The following CEACAM5 variants were observed in gnomAD, a reference collection of about 807,000 sequenced individuals.
The protein encoded by CEACAM5 is cell adhesion molecule CEACAM5.
A neutral mutation model predicts 63.0 loss-of-function variants in CEACAM5; 52 were observed. The observed-to-expected ratio is 0.83, with a 90% CI of 0.66 to 1.04. The LOEUF (loss-of-function observed/expected upper bound fraction) is 1.04, where lower values mean the gene tolerates loss of function less well. CEACAM5 is among the 50% of genes least tolerant of loss of function. The pLI is 0.00. For synonymous variants in CEACAM5, 357 were observed against 351.3 expected, an observed-to-expected ratio of 1.02 and a Z score of -0.18; for missense variants, 790 against 864.8, an observed-to-expected ratio of 0.91 and a Z score of 1.08.
chr19:41,722,363 CAA>C (rs35093497), intron 8 of CEACAM5, among the ~76,000 whole-genome samples: 10 of 87,538 alleles, frequency 1.1e-4, no homozygotes, highest in Admixed American at 1.2e-4. Context: ...GACTACATCA[CAA>C]AAAAAAAAAA....
At chr19:41,714,243 C>T (rs947265542) in intron 2 of CEACAM5, among the ~76,000 whole-genome samples, 3 of 152,126 alleles carry the variant, frequency 2.0e-5, no homozygotes, top group Admixed American at 2.0e-4. Context: ...AAAGAACATA[C>T]ATATGGTTCT....
chr19:41,724,712 T>C (rs1192018836), intron 8 of CEACAM5, among the ~76,000 whole-genome samples: 1 of 152,240 alleles, frequency 6.6e-6, no homozygotes, highest in East Asian at 1.9e-4. Flanking sequence ...CTAACTATTT[T>C]ATACTATTTT....
At chr19:41,710,097 A>G (rs1555813829) in intron 2 of CEACAM5, 58 bp downstream of exon 2, 6 of 1,570,126 alleles carry the variant, frequency 3.8e-6, no homozygotes, top group South Asian at 3.7e-5. Context: ...TCCCACACAC[A>G]GGATTATCAG....
At chr19:41,720,568 G>A (rs1190973841) in intron 7 of CEACAM5, among the ~76,000 whole-genome samples, 1 of 144,314 alleles carries the variant, frequency 6.9e-6, no homozygotes, top group Non-Finnish European at 1.5e-5. Context: ...CTGCAGTGGT[G>A]TGATCTCGGC....
chr19:41,714,581 A>G (rs906754302), intron 2 of CEACAM5, among the ~76,000 whole-genome samples: 2 of 152,218 alleles, frequency 1.3e-5, no homozygotes, highest in African/African-American at 4.8e-5. Flanking sequence ...ACCTAGGGAA[A>G]CAAAGTAGGA....
chr19:41,717,853 G>C (rs1317384510), intron 5 of CEACAM5, 120 bp downstream of exon 5: 1 of 1,323,326 alleles, frequency 7.6e-7, no homozygotes, highest in Non-Finnish European at 1.1e-6. Context: ...GGACATCCAG[G>C]CTGGCCCTAC....
chr19:41,711,182 A>G (rs554002295), intron 2 of CEACAM5, among the ~76,000 whole-genome samples: 1 of 152,188 alleles, frequency 6.6e-6, no homozygotes, highest in East Asian at 1.9e-4. Flanking sequence ...TGGAGAAATA[A>G]TCAGTTTTAC....
Position 41,730,195 on chromosome 19 carries a change from C to T in CEACAM5, c.*1048C>T, listed in dbSNP as rs1182175101. ...CAGCACTTTGATCCGCCGAGGCGGG[C>T]GGATCACGAGGTCAGGAGATCCAGA... On this transcript the variant is annotated 3_prime_UTR_variant, in exon 10 of 10. Transcript: ENST00000221992. Among the ~76,000 whole-genome samples the T allele has an allele frequency of 6.6e-6, 1 of 152,030 alleles. No homozygotes were observed. Among genetic ancestry groups the T allele is most frequent in the Non-Finnish European group, 1.5e-5 (1 of 68,016 alleles).
At chr19:41,720,537 C>T (rs1555815983) in intron 7 of CEACAM5, among the ~76,000 whole-genome samples, 1 of 136,654 alleles carries the variant, frequency 7.3e-6, no homozygotes, top group African/African-American at 2.7e-5. Context: ...GACGGAGTCT[C>T]GCTCTTTCGC....
In CEACAM5 at chr19:41,720,109, C is replaced by G. The variant is rs1555815871; in HGVS notation, c.1672C>G (p.Leu558Val). ...GTCCAATGGCAACAGGACCCTCACT[C>G]TATTCAATGTCACAAGAAATGACGC... ...QLSNGNRTLTLFNVTRNDARA... is the reference protein window; with the variant it reads ...QLSNGNRTLTVFNVTRNDARA... The change falls in exon 7 of 10, where the codon CTA becomes GTA. Residue 558 changes from leucine (L) to valine (V), a missense_variant. Coordinates refer to ENST00000221992, the MANE Select transcript of CEACAM5 (RefSeq NM_004363.6). 1 of 1,614,240 alleles carries G rather than the reference C, an allele frequency of 6.2e-7. No homozygotes were observed. Among genetic ancestry groups the G allele is most frequent in the South Asian group, 1.1e-5 (1 of 91,084 alleles).
rs2072754481 is a variant in CEACAM5 at position 41,730,399 on chromosome 19, G to C, written c.*1252G>C. On this transcript the variant is annotated 3_prime_UTR_variant, in exon 10 of 10. Coordinates refer to ENST00000221992, the MANE Select transcript of CEACAM5 (RefSeq NM_004363.6). ...ATCATGCCGCTGCACTCCAGCCTGG[G>C]AGACAAAGTGAGACTCCGTCAAAAA... Among the ~76,000 whole-genome samples the C allele has an allele frequency of 7.0e-6, 1 of 142,084 alleles. No homozygotes were observed. Among genetic ancestry groups the C allele is most frequent in the Admixed American group, 7.1e-5 (1 of 14,000 alleles). The allele number at this position is 142,084 out of a possible 152,430, so 93.2% of individuals were successfully genotyped here. A position where few individuals can be genotyped will look rare whatever the true frequency, so the allele number is the denominator to read the frequency against.
chr19:41,715,877 A>G lies in CEACAM5; in HGVS notation c.931A>G (p.Thr311Ala). ...TAACTCAGACACTGGCCTCAATAGG[A>G]CCACAGTCACGACGATCACAGTCTA... The part of the protein sequence containing the change: ...AHNSDTGLNR[T>A]TVTTITVYAE... The change falls in exon 4 of 10, where the codon ACC (threonine) becomes GCC (alanine). Residue 311 changes from threonine to alanine, a missense_variant. Transcript: ENST00000221992. 1 of 1,614,108 alleles carries G rather than the reference A, an allele frequency of 6.2e-7. No homozygotes were observed. The highest frequency in any genetic ancestry group is 8.5e-7 in the Non-Finnish European group (1 of 1,179,990).
chr19:41,723,715 A>G (rs1020807380), intron 8 of CEACAM5, among the ~76,000 whole-genome samples: 1 of 152,016 alleles, frequency 6.6e-6, no homozygotes, highest in Non-Finnish European at 1.5e-5. Context: ...TGGGAGGCCG[A>G]GGCAGGTAGA....
At chr19:41,729,051 AATCTAATTGGTT>A (rs1452814724) in intron 9 of CEACAM5, 121 bp from the exon 10 acceptor site, 1 of 152,182 alleles carries the variant, frequency 6.6e-6, no homozygotes, top group African/African-American at 2.4e-5. Context: ...AAATTCTAGA[AATCTAATTGGTT>A]ATCAGCCATA....
chr19:41,728,890 A>G lies in CEACAM5; in HGVS notation c.*37-294A>G, dbSNP rs140692843. On this transcript the variant is annotated intron_variant, in intron 9 of 9. Coordinates refer to ENST00000221992, the MANE Select transcript of CEACAM5 (RefSeq NM_004363.6). ...AATGGGCTCCACCAGGAAATTAGGAATCTAGTTGAGAAACAGAAGCTGAAT... is the reference window on the plus strand; with the variant it reads ...AATGGGCTCCACCAGGAAATTAGGAGTCTAGTTGAGAAACAGAAGCTGAAT... Among the ~76,000 whole-genome samples the G allele has an allele frequency of 8.5e-5, 13 of 152,272 alleles. No individual in the cohort carries two copies. The East Asian group carries it at 2.5e-3, about 29-fold the overall frequency.
chr19:41,715,051 C>G lies in CEACAM5; in HGVS notation c.505C>G (p.Pro169Ala). 6.2e-7 allele frequency: 1 copy of G among 1,614,218 alleles called. No individual in the cohort carries two copies. Among genetic ancestry groups the G allele is most frequent in the Non-Finnish European group, 8.5e-7 (1 of 1,180,046 alleles). Residue 169 changes from proline to alanine, a missense_variant, in exon 3 of 10, where the codon CCT (proline) becomes GCT (alanine). Physicochemically the swap from Pro to Ala is conservative, Grantham distance 27. Coordinates refer to ENST00000221992, the MANE Select transcript of CEACAM5 (RefSeq NM_004363.6). ...DKDAVAFTCE[P>A]ETQDATYLWW... ...GGATGCTGTGGCCTTCACCTGTGAACCTGAGACTCAGGACGCAACCTACCT... is the reference window on the plus strand; with the variant it reads ...GGATGCTGTGGCCTTCACCTGTGAAGCTGAGACTCAGGACGCAACCTACCT...
At chr19:41,719,899 C>T in intron 6 of CEACAM5, 31 bp from the exon 7 acceptor site, 3 of 1,612,704 alleles carry the variant, frequency 1.9e-6, no homozygotes, top group Non-Finnish European at 2.5e-6. Context: ...AAGTGCCACA[C>T]AGGGCAATCT....
At chr19:41,727,410 G>A in intron 9 of CEACAM5, 58 bp downstream of exon 9, 1 of 868,582 alleles carries the variant, frequency 1.2e-6, no homozygotes, top group South Asian at 1.6e-5. Flanking sequence ...TGCCATGCTT[G>A]GGAGAGGGAA....
rs782345192 is a variant in CEACAM5 at position 41,715,888 on chromosome 19, G to T, written c.942G>T (p.Thr314=). 3.7e-6 allele frequency: 6 copies of T among 1,614,050 alleles called. No homozygotes were observed. The South Asian group carries it at 4.4e-5, about 12-fold the overall frequency. Residue 314 remains threonine, a synonymous_variant, in exon 4 of 10, where the codon ACG becomes ACT. Transcript: ENST00000221992. ...SDTGLNRTTV[T]TITVYAEPPK... ...CTGGCCTCAATAGGACCACAGTCAC[G>T]ACGATCACAGTCTATGGTAAGTGGA...
Sources: gnomAD v4.1 joint callset for allele counts (sites outside exome capture counted in the v4.1 genomes callset) on GRCh38, gnomAD v4.1.1 for gene constraint, MANE v1.5 for transcripts, NCBI Gene and HGNC (gene_info 2026-07-23, HGNC 2026-07-21) for gene names.